WNT8B: variants seen among roughly 807,000 people sequenced by gnomAD.
WNT8B encodes Wnt family member 8B, also known as protein Wnt-8b.
Under a neutral mutation model 36.6 loss-of-function variants are expected in WNT8B, and 24 were observed. The observed-to-expected ratio is 0.66, with a 90% CI of 0.48 to 0.92. WNT8B has a LOEUF of 0.92. Among genes scored for constraint, WNT8B ranks in the 40% least tolerant of loss-of-function variants. WNT8B has a pLI of 0.00. For missense variants in WNT8B, 402 were observed against 470.8 expected, an observed-to-expected ratio of 0.85 and a Z score of 1.35; for synonymous variants, 199 against 189.8, an observed-to-expected ratio of 1.05 and a Z score of -0.40.
chr10:100,477,681 A>G (rs766525290), intron 1 of WNT8B, among the ~76,000 whole-genome samples: 4 of 152,180 alleles, frequency 2.6e-5, no homozygotes, highest in African/African-American at 4.8e-5. Context: ...ATGAGCATCC[A>G]GGTACAAATT....
Position 100,479,854 on chromosome 10 carries a change from T to C in WNT8B, c.103-20T>C. 1 of 1,612,990 alleles carries C rather than the reference T, an allele frequency of 6.2e-7. No individual in the cohort carries two copies. Among genetic ancestry groups the C allele is most frequent in the Non-Finnish European group, 8.5e-7 (1 of 1,179,328 alleles). ...TGCCTCCTAAGTTCAGTCTGAATTTTTACCCCTATGTCCCTACAGGCTTAC... is the reference window on the plus strand; with the variant it reads ...TGCCTCCTAAGTTCAGTCTGAATTTCTACCCCTATGTCCCTACAGGCTTAC... On this transcript the variant is annotated intron_variant, in intron 2 of 5. Transcript: ENST00000343737.
chr10:100,474,353 T>C (rs890564435), intron 1 of WNT8B, among the ~76,000 whole-genome samples: 1 of 152,226 alleles, frequency 6.6e-6, no homozygotes, highest in African/African-American at 2.4e-5. Flanking sequence ...ACATCTTCAG[T>C]GTTTGTTAGC....
In WNT8B at chr10:100,482,555, G is replaced by A; in HGVS notation, c.795G>A (p.Leu265=). The change falls in exon 6 of 6, where the codon CTG becomes CTA. Residue 265 remains leucine, a synonymous_variant. Transcript: ENST00000343737. The surrounding 1 kb of genome is among the most constrained non-coding windows in gnomAD (Gnocchi z 6.6). ...YCLENKTLGL[L]GTEGRECLRR... ...TGGAGAACAAAACGCTAGGGCTGCT[G>A]GGCACCGAAGGCCGAGAGTGCCTAA... is the stretch of plus-strand genomic sequence containing the variant. 4 of 1,598,678 alleles carry A rather than the reference G, an allele frequency of 2.5e-6. No individual in the cohort carries two copies. The highest frequency in any genetic ancestry group is 3.4e-6 in the Non-Finnish European group (4 of 1,178,718).
At chr10:100,475,205 A>C (rs1564644057) in intron 1 of WNT8B, among the ~76,000 whole-genome samples, 2 of 152,004 alleles carry the variant, frequency 1.3e-5, no homozygotes, top group Non-Finnish European at 2.9e-5. Context: ...ATGCCACTGC[A>C]CTCCAATCTG....
At chr10:100,469,905 C>A (rs1850954736) in intron 1 of WNT8B, among the ~76,000 whole-genome samples, 1 of 152,226 alleles carries the variant, frequency 6.6e-6, no homozygotes, top group Non-Finnish European at 1.5e-5. Context: ...TATGAGAAAG[C>A]TGCATCACTG....
At chr10:100,467,123 A>G (rs1424432874) in intron 1 of WNT8B, among the ~76,000 whole-genome samples, 2 of 152,114 alleles carry the variant, frequency 1.3e-5, no homozygotes, top group Non-Finnish European at 2.9e-5. Flanking sequence ...ACTACCATCC[A>G]CTTTGGACAG....
At chr10:100,467,857 T>C (rs910083629) in intron 1 of WNT8B, among the ~76,000 whole-genome samples, 2 of 152,210 alleles carry the variant, frequency 1.3e-5, no homozygotes, top group African/African-American at 4.8e-5. Context: ...ACCAATCATG[T>C]TTCACCTATA....
Position 100,482,230 on chromosome 10 carries a change from G to A in WNT8B, c.511-41G>A, listed in dbSNP as rs913029316. 10 of 1,544,490 alleles carry A rather than the reference G, an allele frequency of 6.5e-6. No individual in the cohort carries two copies. Among genetic ancestry groups the A allele is most frequent in the Non-Finnish European group, 8.7e-6 (10 of 1,149,322 alleles). The stretch of plus-strand genomic sequence containing the variant: ...CCACAGGGGCAGTTAAACTCGCCAC[G>A]CGCTTAATCCGGGGCCTCTCACTCC... On this transcript the variant is annotated intron_variant, in intron 5 of 5. Transcript: ENST00000343737. This position sits in a 1 kb window ranked among gnomAD's most constrained non-coding sequence, Gnocchi z 6.6.
At chr10:100,476,288 A>G (rs778721026) in intron 1 of WNT8B, among the ~76,000 whole-genome samples, 13 of 152,128 alleles carry the variant, frequency 8.5e-5, no homozygotes, top group Non-Finnish European at 1.2e-4. Flanking sequence ...TGGGTGACAG[A>G]GTGAGACTCC....
chr10:100,463,794 G>A (rs974558679), intron 1 of WNT8B, among the ~76,000 whole-genome samples: 7 of 152,004 alleles, frequency 4.6e-5, no homozygotes, highest in African/African-American at 1.5e-4. Flanking sequence ...AAATCTAAAC[G>A]TCTCGAGAAA....
chr10:100,477,356 A>G (rs1851050120), intron 1 of WNT8B, among the ~76,000 whole-genome samples: 1 of 151,160 alleles, frequency 6.6e-6, no homozygotes, highest in East Asian at 1.9e-4. Context: ...GCTGGAGTGC[A>G]GTGGCGCGAT....
intron 1 of WNT8B, among the ~76,000 whole-genome samples, chr10:100,465,562 C>T (rs1268475158): frequency 6.6e-6 from 1 of 152,168 alleles, no homozygotes; most frequent in Non-Finnish European, 1.5e-5. Flanking sequence ...ATTTCTCACT[C>T]TCTCCCCACC....
At chr10:100,481,233 A>G (rs1589726223) in intron 4 of WNT8B, 110 bp downstream of exon 4, 2 of 1,422,450 alleles carry the variant, frequency 1.4e-6, no homozygotes. Context: ...GAAGAAAATC[A>G]TGCGGAAGAT....
intron 3 of WNT8B, among the ~76,000 whole-genome samples, chr10:100,480,775 G>T (rs1466949351): frequency 6.6e-6 from 1 of 152,278 alleles, no homozygotes; most frequent in South Asian, 2.1e-4. Context: ...TTGGGAGGAC[G>T]AGGTAGGAAG....
In WNT8B at chr10:100,479,985, C is replaced by T. The variant is rs1851089640; in HGVS notation, c.214C>T (p.Leu72=). 1.2e-6 allele frequency: 2 copies of T among 1,613,772 alleles called. No homozygotes were observed. The highest frequency in any genetic ancestry group is 1.7e-6 in the Non-Finnish European group (2 of 1,179,872). The change falls in exon 3 of 6, where the codon CTG becomes TTG. Residue 72 remains leucine (L), a synonymous_variant. Coordinates refer to ENST00000343737, the MANE Select transcript of WNT8B (RefSeq NM_003393.4). The stretch of plus-strand genomic sequence containing the variant: ...GAACTGCCCTGAGAGAGCCCTGCAG[C>T]TGTCCAGCCATGGTGGGCTTCGCAG... The part of the protein sequence containing the change: ...RWNCPERALQ[L]SSHGGLRSAN...
chr10:100,475,127 C>T (rs1226935741), intron 1 of WNT8B, among the ~76,000 whole-genome samples: 2 of 152,006 alleles, frequency 1.3e-5, no homozygotes, highest in Non-Finnish European at 2.9e-5. Context: ...GTAATCCCAG[C>T]TACTCAGGAG....
At chr10:100,463,322 G>A in intron 1 of WNT8B, 86 bp downstream of exon 1, 1 of 1,382,182 alleles carries the variant, frequency 7.2e-7, no homozygotes. Flanking sequence ...TTCCAGAAAT[G>A]TAGGAAGCCT....
chr10:100,466,491 ATAAT>A (rs532961149), intron 1 of WNT8B, among the ~76,000 whole-genome samples: 43 of 152,280 alleles, frequency 2.8e-4, no homozygotes, highest in African/African-American at 1.0e-3. Flanking sequence ...TATTATTATT[ATAAT>A]TATTAATAAC....
intron 1 of WNT8B, among the ~76,000 whole-genome samples, chr10:100,477,882 T>C (rs183977901): frequency 5.9e-5 from 9 of 151,874 alleles, no homozygotes; most frequent in Admixed American, 2.0e-4. Flanking sequence ...GTTCAAGCGA[T>C]TCTTGTGCCT....
Sources: allele counts gnomAD v4.1 joint callset (sites outside exome capture counted in the v4.1 genomes callset), GRCh38; gene constraint gnomAD v4.1.1; non-coding constraint Gnocchi (gnomAD v3.1); transcripts MANE v1.5; gene names NCBI Gene and HGNC (gene_info 2026-07-23, HGNC 2026-07-21).